Variants in ENOPH1 observed in about 807,000 individuals in gnomAD.
ENOPH1 encodes enolase-phosphatase E1.
Under a neutral mutation model 31.1 loss-of-function variants are expected in ENOPH1, and 14 were observed. The observed-to-expected ratio is 0.45, with a 90% CI of 0.30 to 0.70. The LOEUF (loss-of-function observed/expected upper bound fraction) is 0.70, where lower values mean the gene tolerates loss of function less well. Among genes scored for constraint, ENOPH1 ranks in the 30% least tolerant of loss-of-function variants. The pLI, the probability that ENOPH1 is intolerant of heterozygous loss-of-function variation, is 0.09. For missense variants in ENOPH1, 243 were observed against 321.5 expected, an observed-to-expected ratio of 0.76 and a Z score of 1.87; for synonymous variants, 127 against 123.2, an observed-to-expected ratio of 1.03 and a Z score of -0.21.
rs750308953 is a variant in ENOPH1, at chr4:82,454,685, G to C, written c.390-37G>C. 3 of 1,600,694 alleles carry C rather than the reference G, an allele frequency of 1.9e-6. No individual in the cohort carries two copies. In the East Asian group the frequency reaches 6.7e-5, roughly 36 times the overall value. ...ACAGGTTTTTATCTGGCTAGATGAG[G>C]TGTTCCTGTATTTTAACTTAGTGGT... is the stretch of plus-strand genomic sequence containing the variant. On this transcript the variant is annotated intron_variant, in intron 3 of 5. Transcript: ENST00000273920.
intron 1 of ENOPH1, among the ~76,000 whole-genome samples, chr4:82,437,429 C>T (rs1181855064): frequency 1.3e-5 from 2 of 152,222 alleles, no homozygotes; most frequent in African/African-American, 4.8e-5. Context: ...TCTCTTTACA[C>T]TTTACATAGC....
chr4:82,432,480 G>C (rs1205832792), intron 1 of ENOPH1, among the ~76,000 whole-genome samples: 1 of 152,146 alleles, frequency 6.6e-6, no homozygotes, highest in Non-Finnish European at 1.5e-5. Flanking sequence ...CAGTAGCTGG[G>C]ATTACAGACA....
At chr4:82,453,426 A>G (rs959486424) in intron 3 of ENOPH1, among the ~76,000 whole-genome samples, 8 of 152,226 alleles carry the variant, frequency 5.3e-5, no homozygotes, top group Admixed American at 6.5e-5. Context: ...CACTCAAAAA[A>G]GTGGAGACAG....
intron 1 of ENOPH1, among the ~76,000 whole-genome samples, chr4:82,437,599 C>A (rs1578093540): frequency 6.6e-6 from 1 of 152,168 alleles, no homozygotes; most frequent in South Asian, 2.1e-4. Context: ...GTAAGAGCTA[C>A]CTCTTCTTGT....
rs961074264 is a variant in ENOPH1 at position 82,461,040 on chromosome 4, A to G, written c.*920A>G. 6.6e-6 allele frequency: 1 copy of G among 152,172 alleles called. No homozygotes were observed. Among genetic ancestry groups the G allele is most frequent in the African/African-American group, 2.4e-5 (1 of 41,444 alleles). The allele number at this position is 152,172 out of a possible 1,614,324, so 9.4% of individuals were successfully genotyped here. On this transcript the variant is annotated 3_prime_UTR_variant, in exon 6 of 6. Transcript: ENST00000273920. ...TTTATCCTGGTTTAATTCTAATACG[A>G]TGTCATGTTAATTTCATGTTGTGAT...
chr4:82,446,279 G>A (rs1246504411), intron 1 of ENOPH1, among the ~76,000 whole-genome samples: 1 of 151,984 alleles, frequency 6.6e-6, no homozygotes, highest in Non-Finnish European at 1.5e-5. Context: ...TTAGCCGGGT[G>A]TGGTGGCAGG....
intron 1 of ENOPH1, among the ~76,000 whole-genome samples, chr4:82,443,384 C>T (rs1318328967): frequency 6.7e-6 from 1 of 149,878 alleles, no homozygotes; most frequent in Admixed American, 6.7e-5. Flanking sequence ...TTGCAGTGAG[C>T]CAAGATCATG....
chr4:82,434,898 C>T (rs115983221), intron 1 of ENOPH1, among the ~76,000 whole-genome samples: 1,266 of 119,022 alleles, frequency 0.011, 20 homozygotes, highest in African/African-American at 0.043. Context: ...CAGAGCGAGA[C>T]TGTCTTTAAA....
At chr4:82,442,287 G>C (rs972057143) in intron 1 of ENOPH1, among the ~76,000 whole-genome samples, 2 of 152,200 alleles carry the variant, frequency 1.3e-5, no homozygotes, top group Non-Finnish European at 2.9e-5. Context: ...GGGAGGCCAA[G>C]ATGCGGGGGA....
At chr4:82,446,476 A>G (rs1407020592) in intron 1 of ENOPH1, among the ~76,000 whole-genome samples, 1 of 152,052 alleles carries the variant, frequency 6.6e-6, no homozygotes, top group East Asian at 1.9e-4. Context: ...TCCATTAGAC[A>G]GTGCAATCCT....
chr4:82,454,992 C>G (rs1011279223), intron 4 of ENOPH1, 138 bp downstream of exon 4: 17 of 749,888 alleles, frequency 2.3e-5, no homozygotes, highest in Admixed American at 6.2e-5. Context: ...AAAATAATCA[C>G]TTTTAATTAT....
At chr4:82,453,085 T>C (rs896753637) in intron 3 of ENOPH1, among the ~76,000 whole-genome samples, 3 of 151,712 alleles carry the variant, frequency 2.0e-5, no homozygotes, top group African/African-American at 7.3e-5. Flanking sequence ...GTATTTTTAG[T>C]AGAGACAGTG....
At chr4:82,434,769 T>C (rs556041165) in intron 1 of ENOPH1, among the ~76,000 whole-genome samples, 2 of 152,100 alleles carry the variant, frequency 1.3e-5, no homozygotes, top group African/African-American at 4.8e-5. Context: ...TAGCTGGGCA[T>C]GGTGGCGCAC....
At chr4:82,439,133 A>G (rs1436440129) in intron 1 of ENOPH1, among the ~76,000 whole-genome samples, 1 of 152,094 alleles carries the variant, frequency 6.6e-6, no homozygotes, top group East Asian at 1.9e-4. Context: ...ATTTCAGGAA[A>G]ATGGGTTTCT....
intron 5 of ENOPH1, among the ~76,000 whole-genome samples, chr4:82,458,499 G>T (rs1722558761): frequency 6.6e-6 from 1 of 152,108 alleles, no homozygotes; most frequent in Admixed American, 6.5e-5. Context: ...GACAGAGAGA[G>T]ACCCTTCTGA....
intron 5 of ENOPH1, 68 bp downstream of exon 5, chr4:82,457,106 G>T: frequency 4.9e-6 from 7 of 1,425,188 alleles, no homozygotes; most frequent in Non-Finnish European, 6.6e-6. Flanking sequence ...CAAATACATT[G>T]CCTCTTTAAA....
chr4:82,444,791 T>C (rs1351619479), intron 1 of ENOPH1, among the ~76,000 whole-genome samples: 1 of 152,214 alleles, frequency 6.6e-6, no homozygotes, highest in African/African-American at 2.4e-5. Context: ...TGCTAAATCA[T>C]AACAACTCCC....
At chr4:82,457,807 A>T (rs948116847) in intron 5 of ENOPH1, among the ~76,000 whole-genome samples, 14 of 152,056 alleles carry the variant, frequency 9.2e-5, no homozygotes, top group Non-Finnish European at 1.5e-4. Context: ...AAGAATTATA[A>T]CCCCTGTCCT....
At chr4:82,458,919 AGGTG>A (rs1195695344) in intron 5 of ENOPH1, among the ~76,000 whole-genome samples, 1 of 151,768 alleles carries the variant, frequency 6.6e-6, no homozygotes, top group African/African-American at 2.4e-5. Flanking sequence ...GCACTTGAGG[AGGTG>A]GGTGGGTGGA....
Sources: allele counts gnomAD v4.1 joint callset (sites outside exome capture counted in the v4.1 genomes callset), GRCh38; gene constraint gnomAD v4.1.1; transcripts MANE v1.5; gene names NCBI Gene and HGNC (gene_info 2026-07-23, HGNC 2026-07-21).